The following TRANK1 variants were observed in gnomAD, a reference collection of about 807,000 sequenced individuals.
The protein encoded by TRANK1 is tetratricopeptide repeat and ankyrin repeat containing 1.
Under a neutral mutation model 266.0 loss-of-function variants are expected in TRANK1, and 198 were observed. The ratio of observed to expected loss-of-function variants is 0.74; its 90% confidence interval spans 0.66 to 0.84. The LOEUF is 0.84. Ranked by LOEUF, TRANK1 falls within the 40% of genes least tolerant of loss-of-function variation. The probability of loss-of-function intolerance (pLI) is 0.00; values close to 1 mark genes in which losing one functional copy is unlikely to be tolerated. For missense variants in TRANK1, 3,326 were observed against 3,634.6 expected (o/e 0.92, Z 2.18); for synonymous variants, 1,396 against 1,384.1 (o/e 1.01, Z -0.19).
At chr3:36,932,538 A>G (rs999092671) in intron 1 of TRANK1, among the ~76,000 whole-genome samples, 1 of 152,176 alleles carries the variant, frequency 6.6e-6, no homozygotes, top group South Asian at 2.1e-4. Flanking sequence ...ACTCCAGCCT[A>G]GGCAACAGAG....
intron 9 of TRANK1, among the ~76,000 whole-genome samples, chr3:36,871,428 C>A (rs1335726225): frequency 6.6e-6 from 1 of 152,132 alleles, no homozygotes; most frequent in Non-Finnish European, 1.5e-5. Flanking sequence ...CATTCTCTAC[C>A]ACTAACCAGT....
At chr3:36,928,933 T>A (rs1351977242) in intron 1 of TRANK1, among the ~76,000 whole-genome samples, 1 of 152,110 alleles carries the variant, frequency 6.6e-6, no homozygotes, top group Admixed American at 6.5e-5. Flanking sequence ...ATAAAATGTT[T>A]AAAGAAATTA....
rs966252239 is a variant in TRANK1, at chr3:36,838,631, G to A, written c.5366C>T (p.Ser1789Phe). ...CTCTTACTTGGGGCTGACTTTCTTG[G>A]ATTTCATGCTCAGGGCAGTGTCATG... ...LAHDTALSMK[S>F]KKVSPKEKQL... The change falls in exon 19 of 24, where the codon TCC (serine) becomes TTC (phenylalanine). Residue 1789 changes from serine to phenylalanine, a missense_variant. Transcript: ENST00000645898. 2.4e-5 allele frequency: 39 copies of A among 1,613,766 alleles called. No homozygotes were observed. Among genetic ancestry groups the A allele is most frequent in the Non-Finnish European group, 3.1e-5 (36 of 1,179,850 alleles).
intron 17 of TRANK1, among the ~76,000 whole-genome samples, chr3:36,844,692 T>C (rs2125525193): frequency 6.6e-6 from 1 of 152,330 alleles, no homozygotes; most frequent in Non-Finnish European, 1.5e-5. Context: ...AAAGTTTTTA[T>C]GAGAAGCTAT....
intron 1 of TRANK1, among the ~76,000 whole-genome samples, chr3:36,909,259 T>C (rs924130380): frequency 1.3e-5 from 2 of 152,234 alleles, no homozygotes; most frequent in Non-Finnish European, 2.9e-5. Flanking sequence ...TACTTAAATA[T>C]CTGTGGTGTA....
At chr3:36,933,433 A>G (rs2080386589) in intron 1 of TRANK1, among the ~76,000 whole-genome samples, 1 of 152,264 alleles carries the variant, frequency 6.6e-6, no homozygotes, top group Non-Finnish European at 1.5e-5. Flanking sequence ...TTCCCAACAA[A>G]AGTGAGATGA....
chr3:36,911,540 GCAA>G (rs1457945419), intron 1 of TRANK1, among the ~76,000 whole-genome samples: 2 of 151,998 alleles, frequency 1.3e-5, no homozygotes, highest in Non-Finnish European at 2.9e-5. Flanking sequence ...TGTTATGTGA[GCAA>G]CAACAAATGT....
At chr3:36,927,080 C>T (rs917026018) in intron 1 of TRANK1, among the ~76,000 whole-genome samples, 2 of 152,180 alleles carry the variant, frequency 1.3e-5, no homozygotes, top group African/African-American at 4.8e-5. Context: ...CCCTTTGGAG[C>T]CAGCAGAACA....
chr3:36,900,851 C>CAAAAAAAA (rs138198488), intron 3 of TRANK1, among the ~76,000 whole-genome samples: 760 of 62,848 alleles, frequency 0.012, 86 homozygotes, highest in African/African-American at 0.033. Context: ...GACCCTGTCT[C>CAAAAAAAA]AAAAAAAAAA....
rs190258352 is a variant in TRANK1 at position 36,879,979 on chromosome 3, C to T, written c.908-5683G>A. On this transcript the variant is annotated intron_variant, in intron 8 of 23. Coordinates refer to ENST00000645898, the MANE Select transcript of TRANK1 (RefSeq NM_001329998.2). ...ATGTAAACATGCAAATATATGTAAA[C>T]ATGCAAATATATGTAAACATGCAAA... Among the ~76,000 whole-genome samples the T allele has an allele frequency of 8.6e-3, 95 of 11,050 alleles. 23 individuals are homozygous for T. Among genetic ancestry groups the T allele is most frequent in the African/African-American group, 0.012 (17 of 1,426 alleles). The allele number at this position is 11,050 out of a possible 152,430, so 7.2% of individuals were successfully genotyped here.
chr3:36,847,144 GC>G lies in TRANK1; in HGVS notation c.5034+55del, dbSNP rs558136406. On this transcript the variant is annotated intron_variant, in intron 16 of 23. Coordinates refer to ENST00000645898, the MANE Select transcript of TRANK1 (RefSeq NM_001329998.2). ...TTTTTCCTCTCATCTTCTCTTCCAA[GC>G]CTTTTTCACTACTTCCATGTCAAGT... 1,151 of 1,548,628 alleles carry G rather than the reference GC, an allele frequency of 7.4e-4. 7 individuals carry two copies. The South Asian group carries it at 8.6e-3, about 12-fold the overall frequency.
Position 36,856,558 on chromosome 3 carries a change from C to G in TRANK1, c.3164G>C (p.Gly1055Ala), listed in dbSNP as rs1216847207. ...GTCGATCACCGCGTACTCAAGCTCA[C>G]CCACCCGGAAGGGGTACTCCACTGT... is the stretch of plus-strand genomic sequence containing the variant. The part of the protein sequence containing the change: ...TATVEYPFRV[G>A]ELEYAVIDLN... The change falls in exon 13 of 24, where the codon GGT becomes GCT. Residue 1055 changes from glycine (G) to alanine (A), a missense_variant. Coordinates refer to ENST00000645898, the MANE Select transcript of TRANK1 (RefSeq NM_001329998.2). The G allele has an allele frequency of 8.7e-6, 14 of 1,613,956 alleles. No homozygotes were observed. Among genetic ancestry groups the G allele is most frequent in the Non-Finnish European group, 1.2e-5 (14 of 1,179,882 alleles).
In TRANK1 at chr3:36,861,155, G is replaced by A. The variant is rs2125552702; in HGVS notation, c.1246C>T (p.Pro416Ser). 7.2e-6 allele frequency: 11 copies of A among 1,535,530 alleles called. No individual in the cohort carries two copies. The highest frequency in any genetic ancestry group is 9.6e-6 in the Non-Finnish European group (11 of 1,145,866). Residue 416 changes from proline (P) to serine (S), a missense_variant, in exon 11 of 24, where the codon CCT becomes TCT. Physicochemically the swap from Pro to Ser is moderately conservative, Grantham distance 74. Transcript: ENST00000645898. ...LRLLSTLQEI[P>S]PDLVCDINQD... is the part of the protein sequence containing the mutation. The stretch of plus-strand genomic sequence containing the variant: ...TTAATATCACAGACCAGGTCAGGAG[G>A]AATTTCTTTCAAAAATAAGAGTAAG...
Position 36,879,773 on chromosome 3 carries a change from T to TATGTAA in TRANK1, c.908-5478_908-5477insTTACAT, listed in dbSNP as rs1237973890. Among the ~76,000 whole-genome samples the TATGTAA allele has an allele frequency of 8.1e-3, 520 of 64,168 alleles. 109 individuals are homozygous for TATGTAA. The highest frequency in any genetic ancestry group is 0.016 in the Middle Eastern group (1 of 64). 42.1% of individuals were successfully genotyped at this position (64,168 alleles called of 152,430 possible). A position where few individuals can be genotyped will look rare whatever the true frequency, so the allele number is the denominator to read the frequency against. ...ATAAATATATATAAATATATATAAA[T>TATGTAA]ATATATAAATATGTAAATATATAAA... On this transcript the variant is annotated intron_variant, in intron 8 of 23. Transcript: ENST00000645898.
chr3:36,842,686 T>C lies in TRANK1; in HGVS notation c.5216A>G (p.Lys1739Arg). 6.2e-7 allele frequency: 1 copy of C among 1,613,972 alleles called. No homozygotes were observed. The highest frequency in any genetic ancestry group is 8.5e-7 in the Non-Finnish European group (1 of 1,179,872). The change falls in exon 18 of 24, where the codon AAG becomes AGG. Residue 1739 changes from lysine (K) to arginine (R), a missense_variant. Lys to Arg is a conservative substitution (Grantham distance 26). Transcript: ENST00000645898. ...NKDFDDSMFV[K>R]TSTPAEWIAQ... ...AATCCACTCCGCAGGAGTTGAGGTC[T>C]TAACGAACATGCTATCATCAAAGTC...
chr3:36,905,911 C>A (rs1180863735), intron 2 of TRANK1, among the ~76,000 whole-genome samples: 1 of 152,130 alleles, frequency 6.6e-6, no homozygotes, highest in East Asian at 1.9e-4. Flanking sequence ...GGCAGGAAGG[C>A]CAGCAGCAGG....
chr3:36,838,446 T>C lies in TRANK1; in HGVS notation c.5443A>G (p.Thr1815Ala). 1 of 1,614,072 alleles carries C rather than the reference T, an allele frequency of 6.2e-7. No homozygotes were observed. The highest frequency in any genetic ancestry group is 8.5e-7 in the Non-Finnish European group (1 of 1,179,916). Residue 1815 changes from threonine to alanine, a missense_variant, in exon 20 of 24, where the codon ACA (threonine) becomes GCA (alanine). Physicochemically the swap from Thr to Ala is moderately conservative, Grantham distance 58 (BLOSUM62 0). Coordinates refer to ENST00000645898, the MANE Select transcript of TRANK1 (RefSeq NM_001329998.2). Reference protein sequence around the residue: ...AKTYLECKEPTLSLKCLSYAK... With the variant: ...AKTYLECKEPALSLKCLSYAK... ...TAGCTCAGACACTTAAGGGACAGTG[T>C]TGGCTCTTTGCACTCCAAATAGGTC...
chr3:36,829,102 T>G (rs1268881391), intron 23 of TRANK1, among the ~76,000 whole-genome samples: 1 of 152,242 alleles, frequency 6.6e-6, no homozygotes, highest in Non-Finnish European at 1.5e-5. Flanking sequence ...AAGAAGCATT[T>G]AAGTTTCCCC....
intron 9 of TRANK1, among the ~76,000 whole-genome samples, chr3:36,873,585 TG>T (rs1004302886): frequency 3.3e-4 from 51 of 152,322 alleles, no homozygotes; most frequent in African/African-American, 1.2e-3. Context: ...AATCTGTAGA[TG>T]CAGCATGAAA....
Sources: allele counts gnomAD v4.1 joint callset (sites outside exome capture counted in the v4.1 genomes callset), GRCh38; gene constraint gnomAD v4.1.1; transcripts MANE v1.5; gene names NCBI Gene and HGNC (gene_info 2026-07-23, HGNC 2026-07-21).